ZNF608: variants seen among roughly 807,000 people sequenced by gnomAD.
ZNF608 encodes the protein zinc finger protein 608, also known as renal carcinoma antigen NY-REN-36.
ZNF608 carries 12 observed loss-of-function variants against 109.0 expected under a neutral mutation model. The observed-to-expected ratio is 0.11, with a 90% CI of 0.07 to 0.18. ZNF608 has a LOEUF of 0.18. Ranked by LOEUF, ZNF608 falls within the 10% of genes least tolerant of loss-of-function variation. The probability of loss-of-function intolerance (pLI) is 1.00; values close to 1 mark genes in which losing one functional copy is unlikely to be tolerated. For missense variants in ZNF608, 1,707 were observed against 1,879.3 expected, an observed-to-expected ratio of 0.91 and a Z score of 1.70; for synonymous variants, 732 against 717.4, an observed-to-expected ratio of 1.02 and a Z score of -0.33.
intron 3 of ZNF608, among the ~76,000 whole-genome samples, chr5:124,650,652 A>G (rs985892969): frequency 1.3e-5 from 2 of 152,266 alleles, no homozygotes; most frequent in Admixed American, 6.5e-5. Context: ...AATTACAAAA[A>G]TCACTTCTTT....
intron 2 of ZNF608, among the ~76,000 whole-genome samples, chr5:124,724,379 CTTTT>C (rs1252596684): frequency 6.7e-6 from 1 of 150,142 alleles, no homozygotes; most frequent in African/African-American, 2.4e-5. Flanking sequence ...TTTCTGACCT[CTTTT>C]TTTAATTTAA....
intron 7 of ZNF608, among the ~76,000 whole-genome samples, chr5:124,642,929 T>G (rs1750314840): frequency 6.6e-6 from 1 of 152,064 alleles, no homozygotes; most frequent in Admixed American, 6.5e-5. Flanking sequence ...ATTCCTGACC[T>G]CAGGTGATCT....
chr5:124,651,154 A>G (rs1167261686), intron 3 of ZNF608, among the ~76,000 whole-genome samples: 1 of 152,256 alleles, frequency 6.6e-6, no homozygotes, highest in Non-Finnish European at 1.5e-5. Context: ...TCCTCAAATC[A>G]TAGCTGATTC....
intron 3 of ZNF608, among the ~76,000 whole-genome samples, chr5:124,688,499 A>C (rs1752484844): frequency 6.6e-6 from 1 of 152,214 alleles, no homozygotes; most frequent in Admixed American, 6.5e-5. Context: ...AGTTGGAAAG[A>C]ATAACTGAGA....
intron 3 of ZNF608, among the ~76,000 whole-genome samples, chr5:124,681,256 C>A (rs2149825333): frequency 6.6e-6 from 1 of 152,170 alleles, no homozygotes; most frequent in South Asian, 2.1e-4. Context: ...AGTTTGAGAC[C>A]AGCCTGGTCA....
At chr5:124,702,500 G>GTTT (rs1438573724) in intron 2 of ZNF608, among the ~76,000 whole-genome samples, 4 of 94,364 alleles carry the variant, frequency 4.2e-5, no homozygotes, top group African/African-American at 1.5e-4. Context: ...GTTGGGTTTT[G>GTTT]GTTTTTTTTT....
rs781484068 is a variant in ZNF608, at chr5:124,648,216, C to T, written c.2168G>A (p.Cys723Tyr). 1 of 1,614,174 alleles carries T rather than the reference C, an allele frequency of 6.2e-7. No individual in the cohort carries two copies. The highest frequency in any genetic ancestry group is 1.1e-5 in the South Asian group (1 of 91,086). The change falls in exon 5 of 10, where the codon TGC becomes TAC. Residue 723 changes from cysteine to tyrosine, a missense_variant. Coordinates refer to ENST00000513986, the MANE Select transcript of ZNF608 (RefSeq NM_020747.3). ...TTTAGAGAGGTTTTTGTCCGTTTTG[C>T]AGTTGGTAGCTTTTTTGCCCTTTTC... ...DKEKGKKATN[C>Y]KTDKNLSKLK...
chr5:124,710,083 G>A, intron 2 of ZNF608: 1 of 352,098 alleles, frequency 2.8e-6, no homozygotes, highest in South Asian at 2.2e-5. Flanking sequence ...TATCTTAGTT[G>A]ATATTGGTCA....
intron 3 of ZNF608, among the ~76,000 whole-genome samples, chr5:124,687,257 C>T (rs1752443627): frequency 6.6e-6 from 1 of 152,092 alleles, no homozygotes; most frequent in South Asian, 2.1e-4. Flanking sequence ...AATAATGGGC[C>T]TAATTATGGG....
chr5:124,657,512 T>TA (rs1479940931), intron 3 of ZNF608, among the ~76,000 whole-genome samples: 10 of 151,068 alleles, frequency 6.6e-5, no homozygotes, highest in African/African-American at 1.9e-4. Flanking sequence ...AATAAAAAAA[T>TA]AAAAAAATAA....
intron 3 of ZNF608, among the ~76,000 whole-genome samples, chr5:124,682,112 T>C (rs889472348): frequency 6.6e-6 from 1 of 152,196 alleles, no homozygotes; most frequent in African/African-American, 2.4e-5. Context: ...CGCTCTTGTT[T>C]CCCAGGCTAG....
rs1026647425 is a variant in ZNF608 at position 124,637,707 on chromosome 5, A to T, written c.*193T>A. The T allele has an allele frequency of 5.1e-5, 18 of 354,604 alleles. No individual in the cohort carries two copies. In the South Asian group the frequency reaches 6.5e-4, roughly 13 times the overall value. 22.0% of individuals were successfully genotyped at this position (354,604 alleles called of 1,614,324 possible). A position where few individuals can be genotyped will look rare whatever the true frequency, so the allele number is the denominator to read the frequency against. On this transcript the variant is annotated 3_prime_UTR_variant, in exon 10 of 10. Transcript: ENST00000513986. ...TGTATATATACAGATATGTATACGT[A>T]TATATATATAAAACAGAAGTTTAAT...
At position 124,744,468 on chromosome 5, in the gene ZNF608, G is replaced by T; in HGVS notation, c.522C>A (p.Thr174=). Residue 174 remains threonine (T), a synonymous_variant, in exon 2 of 10, where the codon ACC becomes ACA. Coordinates refer to ENST00000513986, the MANE Select transcript of ZNF608 (RefSeq NM_020747.3). This position sits in a 1 kb window ranked among gnomAD's most constrained non-coding sequence, Gnocchi z 4.5. ...AGCCTGCCCCCGCGGTGGCGGCAGAGGTGCTGGTGCTGGTACTATTGCTGT... is the reference window on the plus strand; with the variant it reads ...AGCCTGCCCCCGCGGTGGCGGCAGATGTGCTGGTGCTGGTACTATTGCTGT... ...NPNSNSTSTS[T]SAATAGAGSC... 8 of 1,614,230 alleles carry T rather than the reference G, an allele frequency of 5.0e-6. No individual in the cohort carries two copies. Among genetic ancestry groups the T allele is most frequent in the Non-Finnish European group, 6.8e-6 (8 of 1,180,044 alleles).
intron 2 of ZNF608, among the ~76,000 whole-genome samples, chr5:124,722,576 TACACACACAC>T (rs10556672): frequency 0.35 from 50,337 of 144,878 alleles, 9,024 homozygotes; most frequent in African/African-American, 0.46. Flanking sequence ...ACCCTTAAAA[TACACACACAC>T]ACACACACAC....
Position 124,647,910 on chromosome 5 carries a change from T to G in ZNF608, c.2474A>C (p.Lys825Thr), listed in dbSNP as rs1750604465. 6.2e-7 allele frequency: 1 copy of G among 1,614,250 alleles called. No individual in the cohort carries two copies. Among genetic ancestry groups the G allele is most frequent in the Non-Finnish European group, 8.5e-7 (1 of 1,180,036 alleles). The change falls in exon 5 of 10, where the codon AAA (lysine) becomes ACA (threonine). Residue 825 changes from lysine (K) to threonine (T), a missense_variant. By Grantham distance (78) the Lys-to-Thr change is moderately conservative (BLOSUM62 -1). Around this residue, in one of 7 missense-constraint regions of ZNF608, gnomAD observed 1,073 missense variants for 1,133.5 expected, o/e 0.95. Coordinates refer to ENST00000513986, the MANE Select transcript of ZNF608 (RefSeq NM_020747.3). ...ATCCATTTTTGGGCTTCCCGTCTCTTTCCCTTCTTTGTCCTTTAGCTTTCG... is the reference window on the plus strand; with the variant it reads ...ATCCATTTTTGGGCTTCCCGTCTCTGTCCCTTCTTTGTCCTTTAGCTTTCG... Reference protein sequence around the residue: ...EKRKLKDKEGKETGSPKMDAK... With the variant: ...EKRKLKDKEGTETGSPKMDAK...
chr5:124,700,756 C>T (rs1405291619), intron 3 of ZNF608, among the ~76,000 whole-genome samples: 3 of 152,224 alleles, frequency 2.0e-5, no homozygotes, highest in Non-Finnish European at 4.4e-5. Flanking sequence ...CCCTCACCTG[C>T]TTCTCACAGT....
intron 2 of ZNF608, among the ~76,000 whole-genome samples, chr5:124,729,091 G>A (rs1382642130): frequency 6.6e-6 from 1 of 152,176 alleles, no homozygotes; most frequent in African/African-American, 2.4e-5. Flanking sequence ...GAAGGAGGAG[G>A]TCCCTGAGTC....
intron 3 of ZNF608, among the ~76,000 whole-genome samples, chr5:124,675,510 CATA>C (rs1366500507): frequency 2.0e-5 from 3 of 152,188 alleles, no homozygotes; most frequent in Non-Finnish European, 2.9e-5. Flanking sequence ...AACACATTCT[CATA>C]ATAATGTTTC....
At chr5:124,649,163 G>A in intron 4 of ZNF608, 30 bp from the exon 5 acceptor site, 2 of 1,516,476 alleles carry the variant, frequency 1.3e-6, no homozygotes, top group Non-Finnish European at 1.8e-6. Context: ...ATGTGAAAAT[G>A]AGCATCCCCA....
Sources: gnomAD v4.1 joint callset for allele counts (sites outside exome capture counted in the v4.1 genomes callset) on GRCh38, gnomAD v4.1.1 for gene constraint, gnomAD v4.1.1 regional missense constraint, Gnocchi (gnomAD v3.1) non-coding constraint, MANE v1.5 for transcripts, NCBI Gene and HGNC (gene_info 2026-07-23, HGNC 2026-07-21) for gene names.